The following ZNF469 variants were observed in gnomAD, a reference collection of about 807,000 sequenced individuals.
ZNF469 encodes the protein zinc finger protein 469.
A neutral mutation model predicts 1.0 loss-of-function variants in ZNF469; 1 was observed. The ratio of observed to expected loss-of-function variants is 1.00; its 90% CI spans 0.35 to 4.73. The LOEUF (loss-of-function observed/expected upper bound fraction) is 4.73, where lower values mean the gene tolerates loss of function less well. ZNF469 is among the 30% of genes most tolerant of loss of function. The pLI, the probability that ZNF469 is intolerant of heterozygous loss-of-function variation, is 0.16. For missense variants in ZNF469, 6,100 were observed against 5,356.3 expected (o/e 1.14, Z -4.33); for synonymous variants, 2,703 against 2,363.4 (o/e 1.14, Z -4.17).
At chr16:88,239,680 T>A in the ZNF469 span, among the ~76,000 whole-genome samples, 1 of 4,424 alleles carries the variant, frequency 2.3e-4, no homozygotes. Context: ...TATATATATA[T>A]ATATATATAT....
intron 1 of ZNF469, among the ~76,000 whole-genome samples, chr16:88,421,806 A>T (rs1597202096): frequency 6.6e-6 from 1 of 152,264 alleles, no homozygotes; most frequent in South Asian, 2.1e-4. Context: ...GTGACCTTGG[A>T]CCCGTCACAC....
chr16:88,291,314 A>C, the ZNF469 span, among the ~76,000 whole-genome samples: 1 of 152,128 alleles, frequency 6.6e-6, no homozygotes, highest in Non-Finnish European at 1.5e-5. Flanking sequence ...ATTGGTCCCC[A>C]CTACACACAC....
At chr16:88,272,136 A>G in the ZNF469 span, among the ~76,000 whole-genome samples, 4,029 of 102,752 alleles carry the variant, frequency 0.039, no homozygotes, top group East Asian at 0.059. Flanking sequence ...GTAAATGGGT[A>G]GGTGGATGGA....
chr16:88,157,867 G>C, the ZNF469 span, among the ~76,000 whole-genome samples: 1 of 151,968 alleles, frequency 6.6e-6, no homozygotes, highest in African/African-American at 2.4e-5. Context: ...CACCTGGTGA[G>C]GATGCCTGGG....
At chr16:88,381,996 G>T (rs1000672203), upstream of ZNF469, among the ~76,000 whole-genome samples, 5 of 152,242 alleles carry the variant, frequency 3.3e-5, no homozygotes, top group African/African-American at 9.6e-5. Flanking sequence ...TGCTTGACCT[G>T]CTCCCGGGGG....
chr16:88,252,575 C>T, the ZNF469 span, among the ~76,000 whole-genome samples: 10 of 152,154 alleles, frequency 6.6e-5, no homozygotes, highest in South Asian at 1.0e-3. Flanking sequence ...TTGTTATCTG[C>T]GGGAAGGTTC....
the ZNF469 span, among the ~76,000 whole-genome samples, chr16:88,239,779 C>A: frequency 7.4e-6 from 1 of 134,284 alleles, no homozygotes; most frequent in African/African-American, 2.7e-5. Flanking sequence ...CCAGGATGGT[C>A]TCCATCTCCT....
At chr16:88,188,787 C>T in the ZNF469 span, among the ~76,000 whole-genome samples, 7 of 152,208 alleles carry the variant, frequency 4.6e-5, no homozygotes, top group Admixed American at 1.3e-4. Flanking sequence ...ATCCACTGCA[C>T]GAGAATCTAC....
At chr16:88,118,857 G>T in the ZNF469 span, among the ~76,000 whole-genome samples, 1 of 152,216 alleles carries the variant, frequency 6.6e-6, no homozygotes, top group East Asian at 1.9e-4. Flanking sequence ...AGAGAATGCT[G>T]AGATGAGTTT....
rs1489385741 is a variant in ZNF469, at chr16:88,437,878, C to G, written c.10408C>G (p.Leu3470Val). ...GAAGGCCCGGGCCCTCGAGGGCACA[C>G]TGCCCAGCAAACGGCGCAGGGTGGC... ...GQKARALEGT[L>V]PSKRRRVAMP... Residue 3470 changes from leucine (L) to valine (V), a missense_variant, in exon 3 of 3, where the codon CTG becomes GTG. Coordinates refer to ENST00000565624, the MANE Select transcript of ZNF469 (RefSeq NM_001367624.2). 2.6e-6 allele frequency: 4 copies of G among 1,540,026 alleles called. No homozygotes were observed. Among genetic ancestry groups the G allele is most frequent in the East Asian group, 2.5e-5 (1 of 40,620 alleles).
the ZNF469 span, among the ~76,000 whole-genome samples, chr16:88,316,004 C>T: frequency 2.6e-5 from 4 of 152,344 alleles, no homozygotes; most frequent in East Asian, 1.9e-4. Context: ...GCTGTGATCA[C>T]GGCCATGCAC....
upstream of ZNF469, among the ~76,000 whole-genome samples, chr16:88,379,807 G>A (rs1336680434): frequency 6.6e-6 from 1 of 151,580 alleles, no homozygotes; most frequent in Admixed American, 6.7e-5. Context: ...GAGGTGTGCC[G>A]CGGGCCTTGG....
the ZNF469 span, among the ~76,000 whole-genome samples, chr16:88,260,164 A>G: frequency 6.8e-5 from 9 of 132,084 alleles, no homozygotes; most frequent in Admixed American, 3.8e-4. This position sits in a 1 kb window ranked among gnomAD's most constrained non-coding sequence, Gnocchi z 4.1. Context: ...TTTTTTTTGT[A>G]TTTTAGTAGA....
the ZNF469 span, among the ~76,000 whole-genome samples, chr16:88,126,188 C>CAAAAA: frequency 1.7e-5 from 1 of 59,054 alleles, no homozygotes; most frequent in African/African-American, 6.7e-5. Context: ...GACTCCATCC[C>CAAAAA]AAAAAAAAAA....
At chr16:88,339,992 C>A in the ZNF469 span, among the ~76,000 whole-genome samples, 3 of 152,130 alleles carry the variant, frequency 2.0e-5, no homozygotes, top group South Asian at 6.2e-4. Context: ...AAGATACAAA[C>A]CTTGGTCATC....
the ZNF469 span, among the ~76,000 whole-genome samples, chr16:88,350,899 C>G: frequency 7.9e-5 from 12 of 152,344 alleles, no homozygotes; most frequent in Admixed American, 5.2e-4. Flanking sequence ...GGACCCAGCC[C>G]CGCCAACACC....
the ZNF469 span, among the ~76,000 whole-genome samples, chr16:88,343,209 G>A: frequency 5.3e-5 from 8 of 152,308 alleles, no homozygotes; most frequent in East Asian, 1.9e-4. Flanking sequence ...CTGGACCTCC[G>A]TCCAGAGCTC....
At chr16:88,383,452 C>G (rs1275665525) in intron 1 of ZNF469, among the ~76,000 whole-genome samples, 198 bp downstream of exon 1, 1 of 148,634 alleles carries the variant, frequency 6.7e-6, no homozygotes, top group South Asian at 2.1e-4. Context: ...CTCCTCCTCC[C>G]GGGCCCGGAC....
the ZNF469 span, among the ~76,000 whole-genome samples, chr16:88,357,669 C>T: frequency 1.3e-5 from 2 of 152,162 alleles, no homozygotes; most frequent in Admixed American, 6.5e-5. Flanking sequence ...GACTGAGCTC[C>T]GAAGCACGCC....
Sources: allele counts gnomAD v4.1 joint callset (sites outside exome capture counted in the v4.1 genomes callset), GRCh38; gene constraint gnomAD v4.1.1; non-coding constraint Gnocchi (gnomAD v3.1); transcripts MANE v1.5; gene names NCBI Gene and HGNC (gene_info 2026-07-23, HGNC 2026-07-21).